Variants in IQCM observed in about 807,000 individuals in gnomAD.
IQCM encodes IQ domain-containing protein M.
IQCM carries 45 observed loss-of-function variants against 57.6 expected under a neutral mutation model. That is an observed-to-expected ratio of 0.78 (90% CI 0.62 to 1.00). IQCM has a LOEUF of 1.00. IQCM is among the 50% of genes least tolerant of loss of function. The pLI is 0.00. For missense variants in IQCM, 468 were observed against 511.6 expected (o/e 0.91, Z 0.82); for synonymous variants, 148 against 158.9 (o/e 0.93, Z 0.51).
chr4:149,546,505 T>C (rs1006868188), intron 12 of IQCM, among the ~76,000 whole-genome samples: 2 of 152,204 alleles, frequency 1.3e-5, no homozygotes, highest in African/African-American at 2.4e-5. Context: ...TTTTAATGAT[T>C]GCCATTCTAA....
At chr4:149,600,304 T>A (rs1444263322) in intron 8 of IQCM, among the ~76,000 whole-genome samples, 1 of 152,190 alleles carries the variant, frequency 6.6e-6, no homozygotes, top group African/African-American at 2.4e-5. Context: ...TCACCAAGAC[T>A]CTGCAAAGCA....
intron 13 of IQCM, among the ~76,000 whole-genome samples, chr4:149,398,096 T>G (rs1732356655): frequency 6.6e-6 from 1 of 152,160 alleles, no homozygotes; most frequent in Admixed American, 6.6e-5. Flanking sequence ...TAGGCACAAT[T>G]TCATTGTTTT....
intron 13 of IQCM, among the ~76,000 whole-genome samples, chr4:149,374,663 T>A (rs1730583651): frequency 6.6e-6 from 1 of 152,168 alleles, no homozygotes; most frequent in Non-Finnish European, 1.5e-5. Context: ...ATGCTATTAA[T>A]GAAAGGAAGT....
intron 13 of IQCM, among the ~76,000 whole-genome samples, chr4:149,355,475 T>C (rs1291827991): frequency 3.4e-5 from 5 of 148,170 alleles, no homozygotes; most frequent in African/African-American, 1.2e-4. Flanking sequence ...TTCCCACCTA[T>C]GACTGAGAAC....
chr4:149,755,797 G>T (rs1768905069), intron 2 of IQCM, among the ~76,000 whole-genome samples: 1 of 152,172 alleles, frequency 6.6e-6, no homozygotes, highest in Admixed American at 6.5e-5. Flanking sequence ...AGTATGGCAA[G>T]TGACTTAGTT....
intron 12 of IQCM, among the ~76,000 whole-genome samples, chr4:149,541,064 G>A (rs879519192): frequency 5.3e-5 from 8 of 151,906 alleles, no homozygotes; most frequent in Non-Finnish European, 1.2e-4. Context: ...TAAACTTTAC[G>A]ATTAGAGTGC....
rs1484455159 is a variant in IQCM at position 149,660,288 on chromosome 4, C to T, written c.565+21830G>A. On this transcript the variant is annotated intron_variant, in intron 7 of 13. Transcript: ENST00000636793. ...AAATCAAAACCACAATGAGATACCA[C>T]CTCACACCAGTTAGAATGGCAATCA... 3.8e-4 allele frequency among the ~76,000 whole-genome samples: 58 copies of T among 151,622 alleles called. 1 individual carries two copies. The highest frequency in any genetic ancestry group is 3.2e-3 in the South Asian group (15 of 4,760).
intron 12 of IQCM, among the ~76,000 whole-genome samples, chr4:149,518,321 C>G (rs977995341): frequency 1.3e-5 from 2 of 152,092 alleles, no homozygotes; most frequent in Non-Finnish European, 2.9e-5. Context: ...TACCCTAGTG[C>G]TTACTGGGTA....
intron 10 of IQCM, among the ~76,000 whole-genome samples, chr4:149,558,658 A>G (rs1749815566): frequency 6.6e-6 from 1 of 152,182 alleles, no homozygotes; most frequent in Non-Finnish European, 1.5e-5. Flanking sequence ...TTTCGATAAT[A>G]TGACAATGAG....
At chr4:149,569,581 C>G (rs1217336410) in intron 9 of IQCM, among the ~76,000 whole-genome samples, 4 of 152,098 alleles carry the variant, frequency 2.6e-5, no homozygotes, top group Admixed American at 1.3e-4. Context: ...CAAAGCCCTG[C>G]TACAAGTTAC....
intron 2 of IQCM, among the ~76,000 whole-genome samples, chr4:149,772,764 GAA>G (rs1014793246): frequency 6.6e-6 from 1 of 152,148 alleles, no homozygotes; most frequent in African/African-American, 2.4e-5. Context: ...AATTCAAACA[GAA>G]AAGTGTCTAA....
chr4:149,712,861 A>G (rs1764677473), intron 5 of IQCM, among the ~76,000 whole-genome samples: 1 of 152,154 alleles, frequency 6.6e-6, no homozygotes, highest in African/African-American at 2.4e-5. Flanking sequence ...TTTTTAAAAT[A>G]TTTGGCCTGA....
intron 2 of IQCM, among the ~76,000 whole-genome samples, chr4:149,813,791 T>C (rs1445326763): frequency 6.6e-6 from 1 of 152,076 alleles, no homozygotes; most frequent in Non-Finnish European, 1.5e-5. Context: ...TAGTCCTCAA[T>C]AATATCCCCC....
rs1728811485 is a variant in IQCM, at chr4:149,354,389, A to AAC, written c.1391-2324_1391-2323insGT. Among the ~76,000 whole-genome samples the AAC allele has an allele frequency of 1.4e-5, 2 of 143,780 alleles. 1 individual carries two copies. The highest frequency in any genetic ancestry group is 5.1e-5 in the African/African-American group (2 of 38,848). The allele number at this position is 143,780 out of a possible 152,430, so 94.3% of individuals were successfully genotyped here. A position where few individuals can be genotyped will look rare whatever the true frequency, so the allele number is the denominator to read the frequency against. ...AAAAAAAAAAAAAAAAAAAAAAAAA[A>AAC]CTGACAAATTAGGCCACAGTAATTG... On this transcript the variant is annotated intron_variant, in intron 13 of 13. Coordinates refer to ENST00000636793, the MANE Select transcript of IQCM (RefSeq NM_001363507.2).
At chr4:149,551,327 C>T (rs1749008297) in intron 11 of IQCM, among the ~76,000 whole-genome samples, 1 of 152,208 alleles carries the variant, frequency 6.6e-6, no homozygotes, top group East Asian at 1.9e-4. Context: ...AGCTAGAAAG[C>T]ACCAGAGTCC....
chr4:149,497,418 A>G (rs550966486), intron 12 of IQCM, among the ~76,000 whole-genome samples: 46 of 152,252 alleles, frequency 3.0e-4, no homozygotes, highest in Non-Finnish European at 5.1e-4. Context: ...GCAATTTCCA[A>G]AAGAGGTTTA....
chr4:149,728,583 C>G (rs1766173870), intron 5 of IQCM, among the ~76,000 whole-genome samples: 1 of 152,102 alleles, frequency 6.6e-6, no homozygotes, highest in African/African-American at 2.4e-5. Context: ...ATGTGGGGAG[C>G]CACATTGGGA....
intron 7 of IQCM, among the ~76,000 whole-genome samples, chr4:149,671,518 A>T (rs1461926649): frequency 6.6e-6 from 1 of 152,062 alleles, no homozygotes; most frequent in African/African-American, 2.4e-5. Flanking sequence ...GCCTTCTGCT[A>T]GCTTTTGAAT....
chr4:149,370,904 T>G, intron 13 of IQCM, among the ~76,000 whole-genome samples: 1 of 116,714 alleles, frequency 8.6e-6, no homozygotes. Context: ...ATAAATCAGA[T>G]AGATAAATCT....
Sources: gnomAD v4.1 joint callset for allele counts (sites outside exome capture counted in the v4.1 genomes callset) on GRCh38, gnomAD v4.1.1 for gene constraint, MANE v1.5 for transcripts, NCBI Gene and HGNC (gene_info 2026-07-23, HGNC 2026-07-21) for gene names.